Variants in FBXL13 observed in about 807,000 individuals in gnomAD.
FBXL13 encodes the protein F-box and leucine rich repeat protein 13.
In FBXL13, 67 loss-of-function variants were observed where a neutral mutation model predicts 83.6. The ratio of observed to expected loss-of-function variants is 0.80; its 90% CI spans 0.66 to 0.98. FBXL13 has a LOEUF of 0.98. Ranked by LOEUF, FBXL13 falls within the 50% of genes least tolerant of loss-of-function variation. FBXL13 has a pLI of 0.00. For missense variants in FBXL13, 822 were observed against 866.5 expected (o/e 0.95, Z 0.64); for synonymous variants, 272 against 299.5 (o/e 0.91, Z 0.95).
chr7:102,824,540 T>C lies in FBXL13; in HGVS notation c.1855-2337A>G, dbSNP rs1489688294. Among the ~76,000 whole-genome samples the C allele has an allele frequency of 2.0e-5, 3 of 152,010 alleles. No individual in the cohort carries two copies. The East Asian group carries it at 5.8e-4, about 29-fold the overall frequency. ...TTGCTCTGTTGCACAGGCTGGAGTG[T>C]AGTGGCACAATCTCGGCTCACTGCA... On this transcript the variant is annotated intron_variant, in intron 18 of 19. Coordinates refer to ENST00000313221, the Ensembl canonical transcript of FBXL13.
At chr7:102,830,414 CTG>C (rs1800458696) in intron 18 of FBXL13, among the ~76,000 whole-genome samples, 1 of 152,210 alleles carries the variant, frequency 6.6e-6, no homozygotes, top group African/African-American at 2.4e-5. Flanking sequence ...GCAAGAATCT[CTG>C]TGAACTATCA....
chr7:102,999,667 T>A (rs1265436219), intron 6 of FBXL13, among the ~76,000 whole-genome samples: 2 of 152,168 alleles, frequency 1.3e-5, no homozygotes, highest in Non-Finnish European at 2.9e-5. Context: ...TAGGAATGTA[T>A]CCATTTCTTC....
intron 8 of FBXL13, among the ~76,000 whole-genome samples, chr7:102,957,893 C>T (rs1040902819): frequency 6.6e-6 from 1 of 152,110 alleles, no homozygotes; most frequent in African/African-American, 2.4e-5. Context: ...ACAACAGATG[C>T]TGGAGAGGAT....
intron 6 of FBXL13, chr7:102,973,245 A>C: frequency 3.3e-6 from 1 of 305,754 alleles, no homozygotes; most frequent in Non-Finnish European, 6.1e-6. Flanking sequence ...AGCTTGAAGG[A>C]ATGAGTAACT....
chr7:102,927,553 A>T (rs1251590821), intron 9 of FBXL13, among the ~76,000 whole-genome samples: 1 of 152,184 alleles, frequency 6.6e-6, no homozygotes, highest in Non-Finnish European at 1.5e-5. Flanking sequence ...CATCTGTCAC[A>T]CTCAGATAGG....
At chr7:102,987,889 A>G (rs1829157258) in intron 6 of FBXL13, 1 of 152,196 alleles carries the variant, frequency 6.6e-6, no homozygotes, top group African/African-American at 2.4e-5. Context: ...AGATGCTATG[A>G]AATATTCCAG....
At chr7:102,974,280 C>T (rs746931331) in intron 6 of FBXL13, among the ~76,000 whole-genome samples, 1 of 152,140 alleles carries the variant, frequency 6.6e-6, no homozygotes, top group Non-Finnish European at 1.5e-5. Flanking sequence ...GTCCCAGCTA[C>T]TCAGGAGGCT....
At chr7:103,037,859 G>A (rs905960927) in intron 2 of FBXL13, among the ~76,000 whole-genome samples, 11 of 151,384 alleles carry the variant, frequency 7.3e-5, no homozygotes, top group South Asian at 4.2e-4. Context: ...AAACAGCTCC[G>A]GTCTGCAGCT....
chr7:102,942,191 T>C, intron 8 of FBXL13: 1 of 842,276 alleles, frequency 1.2e-6, no homozygotes, highest in Non-Finnish European at 1.9e-6. Flanking sequence ...GCCAAGCACT[T>C]TCCTAGAACA....
chr7:103,008,765 G>A (rs894388693), intron 6 of FBXL13, among the ~76,000 whole-genome samples: 3 of 152,052 alleles, frequency 2.0e-5, no homozygotes, highest in Non-Finnish European at 4.4e-5. Context: ...ACCATGTTGG[G>A]CAGGCTGGTC....
At chr7:103,059,886 G>A (rs757343046) in intron 1 of FBXL13, among the ~76,000 whole-genome samples, 8 of 151,468 alleles carry the variant, frequency 5.3e-5, no homozygotes, top group East Asian at 1.9e-4. Context: ...GACAAATTAC[G>A]TCTGTTTCCG....
At chr7:102,878,426 T>C (rs765578476) in exon 15 of FBXL13, 3 of 1,607,254 alleles carry the variant, frequency 1.9e-6, no homozygotes, top group Non-Finnish European at 2.5e-6. Flanking sequence ...CATCAAGAAA[T>C]TGCTTTAGTC....
At chr7:102,861,024 T>C (rs907222706) in intron 16 of FBXL13, among the ~76,000 whole-genome samples, 1 of 151,818 alleles carries the variant, frequency 6.6e-6, no homozygotes, top group Non-Finnish European at 1.5e-5. Flanking sequence ...CAAATATACA[T>C]AAATTTCCCT....
chr7:103,054,550 C>T (rs911473434), intron 2 of FBXL13, among the ~76,000 whole-genome samples: 4 of 152,110 alleles, frequency 2.6e-5, no homozygotes, highest in Non-Finnish European at 2.9e-5. Context: ...CTTCCTTGCC[C>T]TCTTTACAGG....
At chr7:102,888,097 G>T (rs1201698197) in intron 11 of FBXL13, among the ~76,000 whole-genome samples, 1 of 152,204 alleles carries the variant, frequency 6.6e-6, no homozygotes, top group East Asian at 1.9e-4. Context: ...CAATCCGTGT[G>T]TGCCTTACTT....
At chr7:102,821,358 T>C (rs1039397732) in intron 19 of FBXL13, among the ~76,000 whole-genome samples, 34 of 152,206 alleles carry the variant, frequency 2.2e-4, no homozygotes, top group African/African-American at 8.2e-4. Context: ...AATTTTTCTT[T>C]CTTTTTTCCA....
At chr7:103,063,226 C>T (rs1798087895) in intron 1 of FBXL13, among the ~76,000 whole-genome samples, 1 of 152,144 alleles carries the variant, frequency 6.6e-6, no homozygotes, top group South Asian at 2.1e-4. Context: ...ATTCAATCAA[C>T]CACAGATCAA....
At chr7:102,948,924 C>T (rs1210519346) in intron 8 of FBXL13, among the ~76,000 whole-genome samples, 3 of 152,002 alleles carry the variant, frequency 2.0e-5, no homozygotes, top group Admixed American at 6.6e-5. Flanking sequence ...GTTGGCCAGG[C>T]TGGGCTCAAA....
chr7:102,957,239 C>A (rs182330944), intron 8 of FBXL13, among the ~76,000 whole-genome samples: 7 of 152,144 alleles, frequency 4.6e-5, no homozygotes, highest in Admixed American at 2.0e-4. Flanking sequence ...CACATATCTA[C>A]AACCATCTGA....
Sources: gnomAD v4.1 joint callset for allele counts (sites outside exome capture counted in the v4.1 genomes callset) on GRCh38, gnomAD v4.1.1 for gene constraint, MANE v1.5 for transcripts, NCBI Gene and HGNC (gene_info 2026-07-23, HGNC 2026-07-21) for gene names.